The following SUSD4 variants were observed in gnomAD, a reference collection of about 807,000 sequenced individuals.
SUSD4 encodes sushi domain containing 4.
Under a neutral mutation model 50.5 loss-of-function variants are expected in SUSD4, and 41 were observed. That is an observed-to-expected ratio of 0.81 (90% CI 0.63 to 1.05). The LOEUF (loss-of-function observed/expected upper bound fraction) is 1.05, where lower values mean the gene tolerates loss of function less well. Among genes scored for constraint, SUSD4 ranks in the 50% least tolerant of loss-of-function variants. SUSD4 has a pLI of 0.00. For missense variants in SUSD4, 580 were observed against 634.7 expected (o/e 0.91, Z 0.93); for synonymous variants, 257 against 257.3 (o/e 1.00, Z 0.01).
At chr1:223,331,037 T>A (rs1370676453) in intron 2 of SUSD4, among the ~76,000 whole-genome samples, 2 of 152,152 alleles carry the variant, frequency 1.3e-5, no homozygotes, top group Non-Finnish European at 2.9e-5. Flanking sequence ...TCATAATCAC[T>A]GGCAGAGGTG....
intron 3 of SUSD4, among the ~76,000 whole-genome samples, chr1:223,277,893 C>A (rs2103106373): frequency 6.6e-6 from 1 of 152,294 alleles, no homozygotes; most frequent in African/African-American, 2.4e-5. Flanking sequence ...TCTTACAAAG[C>A]AATATCAGAC....
intron 2 of SUSD4, among the ~76,000 whole-genome samples, chr1:223,328,260 T>A (rs1253672571): frequency 6.6e-6 from 1 of 152,166 alleles, no homozygotes; most frequent in Non-Finnish European, 1.5e-5. Flanking sequence ...TCTCACTTAA[T>A]CCTTCCTATT....
rs368535501 is a variant in SUSD4, at chr1:223,222,155, C to T, written c.*37G>A. ...ACTCCAAGATACAAGGTCCTTTCCC[C>T]GAAGGAGCAGGAGAGTCATCTGGAT... On this transcript the variant is annotated 3_prime_UTR_variant, in exon 9 of 9. Coordinates refer to ENST00000366878, the MANE Select transcript of SUSD4 (RefSeq NM_017982.4). The T allele has an allele frequency of 4.7e-4, 758 of 1,606,910 alleles. 1 individual carries two copies. The highest frequency in any genetic ancestry group is 3.9e-3 in the East Asian group (173 of 44,668).
chr1:223,345,777 A>G (rs1328393640), intron 2 of SUSD4, among the ~76,000 whole-genome samples: 1 of 151,984 alleles, frequency 6.6e-6, no homozygotes, highest in Non-Finnish European at 1.5e-5. Flanking sequence ...GCAGTTAATG[A>G]CTCCATGCTT....
At chr1:223,283,878 G>A (rs1237904652) in intron 3 of SUSD4, among the ~76,000 whole-genome samples, 3 of 152,096 alleles carry the variant, frequency 2.0e-5, no homozygotes, top group South Asian at 2.1e-4. Context: ...TGGCACATAT[G>A]CACCATGGAA....
intron 2 of SUSD4, among the ~76,000 whole-genome samples, chr1:223,359,657 G>A (rs902788647): frequency 6.6e-6 from 1 of 152,202 alleles, no homozygotes; most frequent in African/African-American, 2.4e-5. Flanking sequence ...GTTGTGCTGG[G>A]TGCCTGAGAC....
Position 223,363,412 on chromosome 1 carries a change from A to T in SUSD4, c.14T>A (p.Met5Lys), listed in dbSNP as rs755767191. Residue 5 changes from methionine (M) to lysine (K), a missense_variant, in exon 2 of 9, where the codon ATG becomes AAG. Met to Lys is a moderately conservative substitution (Grantham distance 95). Transcript: ENST00000366878. Reference sequence around the variant, plus strand: ...AAATCCATCTCCATTGCTCGGGTTCATTCCATGATACATCTTTCATCCACA... The same window carrying T: ...AAATCCATCTCCATTGCTCGGGTTCTTTCCATGATACATCTTTCATCCACA... MYHGMNPSNGDGFLE... is the reference protein window; with the variant it reads MYHGKNPSNGDGFLE... 1 of 1,559,992 alleles carries T rather than the reference A, an allele frequency of 6.4e-7. No individual in the cohort carries two copies. The highest frequency in any genetic ancestry group is 8.7e-7 in the Non-Finnish European group (1 of 1,151,516).
intron 2 of SUSD4, among the ~76,000 whole-genome samples, chr1:223,308,511 C>G (rs1665684295): frequency 6.6e-6 from 1 of 152,102 alleles, no homozygotes; most frequent in African/African-American, 2.4e-5. Flanking sequence ...ATTACCCAGT[C>G]TCAGGTATTT....
intron 2 of SUSD4, among the ~76,000 whole-genome samples, chr1:223,346,854 C>G (rs896753644): frequency 6.6e-6 from 1 of 152,146 alleles, no homozygotes; most frequent in African/African-American, 2.4e-5. Flanking sequence ...AAAACATGCC[C>G]TTGGTCCAGG....
chr1:223,247,105 T>G (rs924612664), intron 5 of SUSD4, among the ~76,000 whole-genome samples: 4 of 152,128 alleles, frequency 2.6e-5, no homozygotes, highest in Admixed American at 2.6e-4. Context: ...GCCCCCCGGG[T>G]GTTCTTCATG....
rs1279874983 is a variant in SUSD4 at position 223,363,474 on chromosome 1, C to A, written c.-35-14G>T. The A allele has an allele frequency of 2.0e-6, 3 of 1,480,336 alleles. No individual in the cohort carries two copies. The highest frequency in any genetic ancestry group is 2.7e-6 in the Non-Finnish European group (3 of 1,103,452). The allele number at this position is 1,480,336 out of a possible 1,614,324, so 91.7% of individuals were successfully genotyped here. ...GCTTGCAAGAGTCTGCAACCAGAAG[C>A]GGAACACCACAATAAGCCAGTCTGT... On this transcript the variant is annotated splice_polypyrimidine_tract_variant and intron_variant, in intron 1 of 8. Coordinates refer to ENST00000366878, the MANE Select transcript of SUSD4 (RefSeq NM_017982.4).
In SUSD4 at chr1:223,221,330, A is replaced by C. The variant is rs1659125950; in HGVS notation, c.*862T>G. ...GCTCATGATTCTGAGATAAATGTTA[A>C]GTGGAGTCTTTTTAAAATGCTGAAA... On this transcript the variant is annotated 3_prime_UTR_variant, in exon 9 of 9. Coordinates refer to ENST00000366878, the MANE Select transcript of SUSD4 (RefSeq NM_017982.4). 5.2e-6 allele frequency: 2 copies of C among 383,676 alleles called. No homozygotes were observed. The highest frequency in any genetic ancestry group is 4.6e-6 in the Non-Finnish European group (1 of 217,238). The allele number at this position is 383,676 out of a possible 1,614,324, so 23.8% of individuals were successfully genotyped here.
chr1:223,272,489 G>C (rs981940561), intron 3 of SUSD4, among the ~76,000 whole-genome samples: 2 of 152,232 alleles, frequency 1.3e-5, no homozygotes, highest in Non-Finnish European at 1.5e-5. Context: ...AGTTAGCAGA[G>C]AGCAGCGCCT....
Position 223,332,634 on chromosome 1 carries a change from T to C in SUSD4, c.148+30644A>G, listed in dbSNP as rs1035053979. ...ACTGAAACATGGCCTGACCACACTG[T>C]AGCAAGTAATTCTGCAATTCTCAGT... On this transcript the variant is annotated intron_variant, in intron 2 of 8. Coordinates refer to ENST00000366878, the MANE Select transcript of SUSD4 (RefSeq NM_017982.4). This position sits in a 1 kb window ranked among gnomAD's most constrained non-coding sequence, Gnocchi z 4.0. Among the ~76,000 whole-genome samples the C allele has an allele frequency of 1.3e-5, 2 of 152,166 alleles. No homozygotes were observed. Among genetic ancestry groups the C allele is most frequent in the Non-Finnish European group, 2.9e-5 (2 of 68,018 alleles).
At chr1:223,323,721 C>T (rs966685626) in intron 2 of SUSD4, among the ~76,000 whole-genome samples, 2 of 152,098 alleles carry the variant, frequency 1.3e-5, no homozygotes, top group African/African-American at 4.8e-5. Context: ...GCCCTGAATG[C>T]CAGCAGGATG....
At chr1:223,261,216 T>C (rs1425744613) in intron 5 of SUSD4, among the ~76,000 whole-genome samples, 2 of 152,228 alleles carry the variant, frequency 1.3e-5, no homozygotes, top group East Asian at 1.9e-4. Context: ...TCAGGGATGA[T>C]AACTAAACTA....
intron 2 of SUSD4, among the ~76,000 whole-genome samples, chr1:223,329,731 G>A (rs1667072113): frequency 6.6e-6 from 1 of 152,172 alleles, no homozygotes; most frequent in Non-Finnish European, 1.5e-5. Flanking sequence ...TAGCACTGGA[G>A]TTCAGTGAAA....
chr1:223,340,923 T>C (rs925276933), intron 2 of SUSD4, among the ~76,000 whole-genome samples: 5 of 152,204 alleles, frequency 3.3e-5, no homozygotes, highest in Admixed American at 1.3e-4. Flanking sequence ...TAATTCCCTC[T>C]GTGTTACACA....
At position 223,276,025 on chromosome 1, in the gene SUSD4, G is replaced by A. The variant is rs1343057410; in HGVS notation, c.362-7350C>T. Among the ~76,000 whole-genome samples, 4 of 152,206 alleles carry A rather than the reference G, an allele frequency of 2.6e-5. No homozygotes were observed. In the South Asian group the frequency reaches 6.2e-4, roughly 24 times the overall value. On this transcript the variant is annotated intron_variant, in intron 3 of 8. Coordinates refer to ENST00000366878, the MANE Select transcript of SUSD4 (RefSeq NM_017982.4). ...TCACAGGATGCTGCCTGAAAGCCTC[G>A]GTCAGCCCCCAAACTGCTCAAAGAC...
Sources: allele counts gnomAD v4.1 joint callset (sites outside exome capture counted in the v4.1 genomes callset), GRCh38; gene constraint gnomAD v4.1.1; non-coding constraint Gnocchi (gnomAD v3.1); transcripts MANE v1.5; gene names NCBI Gene and HGNC (gene_info 2026-07-23, HGNC 2026-07-21).